The following KAZN variants were observed in gnomAD, a reference collection of about 807,000 sequenced individuals.
KAZN encodes the protein kazrin, periplakin interacting protein.
KAZN carries 40 observed loss-of-function variants against 87.4 expected under a neutral mutation model. The observed-to-expected ratio is 0.46, with a 90% CI of 0.36 to 0.60. KAZN has a LOEUF of 0.60. Ranked by LOEUF, KAZN falls within the 20% of genes least tolerant of loss-of-function variation. KAZN has a pLI of 0.00. For missense variants in KAZN, 898 were observed against 1,073.9 expected (o/e 0.84, Z 2.29); for synonymous variants, 466 against 458.3 (o/e 1.02, Z -0.22).
At chr1:15,029,345 G>A (rs1228060896) in intron 2 of KAZN, among the ~76,000 whole-genome samples, 1 of 152,206 alleles carries the variant, frequency 6.6e-6, no homozygotes, top group Admixed American at 6.5e-5. Context: ...GTGCTTAATT[G>A]AACTATTTGG....
In KAZN at chr1:14,927,724, C is replaced by T. The variant is rs143848364; in HGVS notation, c.227-32960C>T. Among the ~76,000 whole-genome samples, 321 of 152,298 alleles carry T rather than the reference C, an allele frequency of 2.1e-3. 1 individual carries two copies. The highest frequency in any genetic ancestry group is 2.7e-3 in the Non-Finnish European group (182 of 68,028). On this transcript the variant is annotated intron_variant, in intron 1 of 14. Coordinates refer to ENST00000376030, the MANE Select transcript of KAZN (RefSeq NM_201628.3). ...CTCCATTTGGCATTTCTCTTAACCCCGAGCTCAGAAAGCCACGTGGCCTTA... is the reference window on the plus strand; with the variant it reads ...CTCCATTTGGCATTTCTCTTAACCCTGAGCTCAGAAAGCCACGTGGCCTTA...
chr1:14,982,946 G>T (rs1012870387), intron 2 of KAZN, among the ~76,000 whole-genome samples: 2 of 152,214 alleles, frequency 1.3e-5, no homozygotes, highest in Non-Finnish European at 2.9e-5. Context: ...TCCTCTGGCT[G>T]GAACCTCTCC....
chr1:14,608,567 T>C (rs2148615844), intron 1 of KAZN, among the ~76,000 whole-genome samples: 1 of 152,286 alleles, frequency 6.6e-6, no homozygotes, highest in East Asian at 1.9e-4. Context: ...TAGATTGGAA[T>C]TGGACACTGC....
intron 1 of KAZN, among the ~76,000 whole-genome samples, chr1:14,147,625 C>T (rs757663264): frequency 6.6e-6 from 1 of 151,906 alleles, no homozygotes; most frequent in Non-Finnish European, 1.5e-5. Flanking sequence ...AACCCCATCT[C>T]TACTAAAAAA....
chr1:15,104,405 G>C (rs1360825274), intron 13 of KAZN, among the ~76,000 whole-genome samples: 1 of 152,222 alleles, frequency 6.6e-6, no homozygotes, highest in Non-Finnish European at 1.5e-5. Context: ...AGACGTAGAG[G>C]AGCAGTCAGG....
At chr1:15,079,889 G>T (rs145974268) in intron 8 of KAZN, among the ~76,000 whole-genome samples, 1 of 152,218 alleles carries the variant, frequency 6.6e-6, no homozygotes, top group Non-Finnish European at 1.5e-5. Flanking sequence ...AAAGAGGAAA[G>T]CTTTTGATGT....
intron 1 of KAZN, among the ~76,000 whole-genome samples, chr1:14,641,801 A>G (rs1483937891): frequency 9.2e-5 from 14 of 152,250 alleles, no homozygotes; most frequent in Non-Finnish European, 1.6e-4. Context: ...CTCATGACCA[A>G]CAACATTTAT....
intron 2 of KAZN, among the ~76,000 whole-genome samples, chr1:14,495,861 AG>A (rs1669914352): frequency 1.3e-5 from 2 of 152,298 alleles, no homozygotes; most frequent in African/African-American, 4.8e-5. Flanking sequence ...TTGGAAGGAA[AG>A]GGGGCTTTCC....
intron 2 of KAZN, among the ~76,000 whole-genome samples, chr1:14,182,255 C>T (rs1250158419): frequency 6.6e-6 from 1 of 152,102 alleles, no homozygotes. Context: ...TGGATATTCT[C>T]CTAAGTCATA....
chr1:14,058,545 G>A (rs12122213), intron 1 of KAZN, among the ~76,000 whole-genome samples: 20 of 152,314 alleles, frequency 1.3e-4, no homozygotes, highest in Non-Finnish European at 1.9e-4. Flanking sequence ...CTATGTGCTC[G>A]ATGCTGGCAT....
chr1:14,269,198 A>T (rs568062617), intron 2 of KAZN, among the ~76,000 whole-genome samples: 2 of 152,232 alleles, frequency 1.3e-5, no homozygotes, highest in Admixed American at 6.5e-5. Flanking sequence ...TTACAATTTC[A>T]TGGTTTTCCA....
At chr1:14,849,719 G>T (rs1199872336) in intron 1 of KAZN, among the ~76,000 whole-genome samples, 1 of 152,152 alleles carries the variant, frequency 6.6e-6, no homozygotes, top group East Asian at 1.9e-4. Flanking sequence ...ATCCCAGAGG[G>T]CATTCGCTTC....
chr1:14,876,903 C>T (rs937138191), intron 1 of KAZN, among the ~76,000 whole-genome samples: 1 of 152,172 alleles, frequency 6.6e-6, no homozygotes, highest in Non-Finnish European at 1.5e-5. Flanking sequence ...AGTAAGAAAG[C>T]CTTTGGGCAA....
intron 1 of KAZN, among the ~76,000 whole-genome samples, chr1:14,158,628 A>G (rs1001805613): frequency 6.6e-6 from 1 of 152,046 alleles, no homozygotes; most frequent in Non-Finnish European, 1.5e-5. Flanking sequence ...ATTTGGTGAG[A>G]TCATATTTTC....
intron 1 of KAZN, among the ~76,000 whole-genome samples, chr1:14,822,489 G>A (rs1646762278): frequency 6.6e-6 from 1 of 152,212 alleles, no homozygotes; most frequent in Non-Finnish European, 1.5e-5. Context: ...AATGCAAAGA[G>A]AAGCTGGGCG....
chr1:14,692,421 C>T (rs1641371164), intron 1 of KAZN: 2 of 274,286 alleles, frequency 7.3e-6, no homozygotes, highest in Admixed American at 1.1e-4. Flanking sequence ...TGATGGCTCT[C>T]TATTACCAAG....
chr1:14,875,464 G>A (rs183652135), intron 1 of KAZN, among the ~76,000 whole-genome samples: 2 of 145,104 alleles, frequency 1.4e-5, no homozygotes, highest in African/African-American at 2.5e-5. Flanking sequence ...TCCCTGCCTT[G>A]CATTGTCCTT....
intron 2 of KAZN, among the ~76,000 whole-genome samples, chr1:14,548,407 C>T (rs1332081652): frequency 6.6e-6 from 1 of 152,084 alleles, no homozygotes; most frequent in Admixed American, 6.6e-5. Flanking sequence ...CCATCTTGCC[C>T]AGGCAGGTCT....
intron 6 of KAZN, 70 bp downstream of exon 6, chr1:15,060,372 G>A (rs1638688666): frequency 3.8e-6 from 6 of 1,591,788 alleles, no homozygotes; most frequent in African/African-American, 1.3e-5. Flanking sequence ...GGGGTGGCGG[G>A]GTGAAGCCAT....
Sources: allele counts gnomAD v4.1 joint callset (sites outside exome capture counted in the v4.1 genomes callset), GRCh38; gene constraint gnomAD v4.1.1; transcripts MANE v1.5; gene names NCBI Gene and HGNC (gene_info 2026-07-23, HGNC 2026-07-21).